The following ARHGEF37 variants were observed in gnomAD, a reference collection of about 807,000 sequenced individuals.
The protein encoded by ARHGEF37 is Rho guanine nucleotide exchange factor (GEF) 37.
ARHGEF37 carries 55 observed loss-of-function variants against 71.1 expected under a neutral mutation model. The ratio of observed to expected loss-of-function variants is 0.77; its 90% CI spans 0.62 to 0.97. The LOEUF is 0.97. Ranked by LOEUF, ARHGEF37 falls within the 50% of genes least tolerant of loss-of-function variation. The pLI is 0.00. For missense variants in ARHGEF37, 765 were observed against 836.8 expected (o/e 0.91, Z 1.06); for synonymous variants, 327 against 350.6 (o/e 0.93, Z 0.75).
intron 1 of ARHGEF37, 150 bp from the exon 2 acceptor site, chr5:149,597,609 C>T: frequency 3.1e-6 from 2 of 645,000 alleles, no homozygotes; most frequent in South Asian, 2.7e-5. Flanking sequence ...TCAGGTACTG[C>T]CTACAAATGC....
chr5:149,623,397 T>C (rs1365849663), intron 9 of ARHGEF37, among the ~76,000 whole-genome samples: 1 of 152,182 alleles, frequency 6.6e-6, no homozygotes, highest in Non-Finnish European at 1.5e-5. Flanking sequence ...ACTCTGCAAA[T>C]TGAATTAGGC....
intron 3 of ARHGEF37, among the ~76,000 whole-genome samples, chr5:149,608,536 C>A (rs1471381429): frequency 1.3e-5 from 2 of 151,886 alleles, no homozygotes; most frequent in Non-Finnish European, 2.9e-5. Flanking sequence ...TCACACCCGG[C>A]TAATTTTTGT....
intron 1 of ARHGEF37, among the ~76,000 whole-genome samples, chr5:149,588,201 TG>T (rs1268391481): frequency 3.6e-5 from 5 of 137,654 alleles, no homozygotes; most frequent in Non-Finnish European, 7.7e-5. Flanking sequence ...CCGGCCTTTT[TG>T]TTTGTTTGTT....
chr5:149,629,499 T>C (rs990086662), intron 12 of ARHGEF37, among the ~76,000 whole-genome samples: 5 of 152,000 alleles, frequency 3.3e-5, no homozygotes, highest in African/African-American at 1.2e-4. Flanking sequence ...AGGGAATTAA[T>C]TGGATAAAGA....
intron 1 of ARHGEF37, among the ~76,000 whole-genome samples, chr5:149,594,475 C>T (rs1184746034): frequency 6.6e-6 from 1 of 152,236 alleles, no homozygotes; most frequent in Non-Finnish European, 1.5e-5. Context: ...GCCCTCTGTA[C>T]ATCCCTGCCC....
intron 1 of ARHGEF37, among the ~76,000 whole-genome samples, chr5:149,552,579 T>C (rs563405500): frequency 3.3e-5 from 5 of 152,352 alleles, no homozygotes; most frequent in African/African-American, 1.2e-4. Context: ...GGCTCACGCC[T>C]GTAATCCCAG....
chr5:149,591,249 G>A (rs1301698858), intron 1 of ARHGEF37, among the ~76,000 whole-genome samples: 2 of 151,082 alleles, frequency 1.3e-5, no homozygotes, highest in African/African-American at 2.4e-5. Flanking sequence ...AAAGTTGAAT[G>A]TTCCAGAGTT....
chr5:149,572,937 T>A (rs1762985208), intron 1 of ARHGEF37, among the ~76,000 whole-genome samples: 3 of 152,152 alleles, frequency 2.0e-5, no homozygotes, highest in South Asian at 2.1e-4. Flanking sequence ...TAAAAAAAAA[T>A]TTATTTAGCT....
At position 149,623,971 on chromosome 5, in the gene ARHGEF37, C is replaced by T. The variant is rs370663576; in HGVS notation, c.1336-41C>T. On this transcript the variant is annotated intron_variant, in intron 9 of 12. Transcript: ENST00000333677. ...AAGCAAGCCAGGGATCTCATTGTCC[C>T]CTCTTGCCCAGCTCTGTTGACAGTG... 1.9e-5 allele frequency: 29 copies of T among 1,551,458 alleles called. No individual in the cohort carries two copies. In the African/African-American group the frequency reaches 3.0e-4, roughly 16 times the overall value.
chr5:149,600,946 C>T (rs1011301565), intron 2 of ARHGEF37, among the ~76,000 whole-genome samples, 162 bp from the exon 3 acceptor site: 1 of 152,128 alleles, frequency 6.6e-6, no homozygotes, highest in South Asian at 2.1e-4. Flanking sequence ...CTGAAAATAC[C>T]TAATTTATAA....
At chr5:149,627,411 G>T (rs1426456271) in intron 11 of ARHGEF37, 140 bp downstream of exon 11, 7 of 891,664 alleles carry the variant, frequency 7.9e-6, no homozygotes, top group Non-Finnish European at 1.2e-5. Context: ...GACACACACA[G>T]GGCTCAGGGC....
At chr5:149,565,098 A>C (rs749961401) in intron 1 of ARHGEF37, among the ~76,000 whole-genome samples, 7 of 152,232 alleles carry the variant, frequency 4.6e-5, no homozygotes, top group Non-Finnish European at 8.8e-5. Context: ...GGCAAGTGTT[A>C]GGAGATTGAG....
rs377472449 is a variant in ARHGEF37 at position 149,592,438 on chromosome 5, C to A, written c.-11-5321C>A. 2.5e-4 allele frequency among the ~76,000 whole-genome samples: 38 copies of A among 152,362 alleles called. 1 individual carries two copies. In the South Asian group the frequency reaches 5.6e-3, roughly 22 times the overall value. On this transcript the variant is annotated intron_variant, in intron 1 of 12. Coordinates refer to ENST00000333677, the MANE Select transcript of ARHGEF37 (RefSeq NM_001001669.3). ...TGGCTTTTTTTCACATAGCATCATG[C>A]CCTCGAGAGCCATCCAAGCTGTTGC...
intron 1 of ARHGEF37, among the ~76,000 whole-genome samples, chr5:149,595,596 GGGTCTACTCCT>G (rs1763522760): frequency 1.3e-5 from 2 of 152,064 alleles, no homozygotes; most frequent in Non-Finnish European, 2.9e-5. Context: ...GACACTCTTG[GGGTCTACTCCT>G]GCTCTTGTTG....
At chr5:149,564,651 C>G (rs1221188616) in intron 1 of ARHGEF37, among the ~76,000 whole-genome samples, 1 of 152,088 alleles carries the variant, frequency 6.6e-6, no homozygotes, top group Non-Finnish European at 1.5e-5. Context: ...ATGGAGAAAC[C>G]CCGTCTCTAC....
At chr5:149,591,741 C>T (rs925893178) in intron 1 of ARHGEF37, among the ~76,000 whole-genome samples, 4 of 152,084 alleles carry the variant, frequency 2.6e-5, no homozygotes, top group African/African-American at 4.8e-5. Flanking sequence ...TTTTCACTTT[C>T]AATACTGTAT....
At chr5:149,560,916 A>G (rs1242345426) in intron 1 of ARHGEF37, among the ~76,000 whole-genome samples, 2 of 152,124 alleles carry the variant, frequency 1.3e-5, no homozygotes, top group Non-Finnish European at 2.9e-5. Flanking sequence ...GCTCTTTAAT[A>G]CTTAAATGTT....
rs76318372 is a variant in ARHGEF37, at chr5:149,610,251, T to A, written c.458+556T>A. ...AGATGGTGGGACCCATGTGTTCCCA[T>A]AGTGATAAGAAGCAGGTGTGTATCA... is the stretch of plus-strand genomic sequence containing the variant. On this transcript the variant is annotated intron_variant, in intron 4 of 12. Coordinates refer to ENST00000333677, the MANE Select transcript of ARHGEF37 (RefSeq NM_001001669.3). Among the ~76,000 whole-genome samples the A allele has an allele frequency of 2.4e-3, 358 of 152,158 alleles. 1 individual carries two copies. Among genetic ancestry groups the A allele is most frequent in the African/African-American group, 8.2e-3 (339 of 41,502 alleles).
chr5:149,628,788 A>C, intron 11 of ARHGEF37, 21 bp from the exon 12 acceptor site: 1 of 1,604,430 alleles, frequency 6.2e-7, no homozygotes, highest in African/African-American at 1.3e-5. Flanking sequence ...GCAGCCTGCT[A>C]ACCTTCTGCA....
Sources: gnomAD v4.1 joint callset for allele counts (sites outside exome capture counted in the v4.1 genomes callset) on GRCh38, gnomAD v4.1.1 for gene constraint, MANE v1.5 for transcripts, NCBI Gene and HGNC (gene_info 2026-07-23, HGNC 2026-07-21) for gene names.